The following PPP1R13B variants were observed in gnomAD, a reference collection of about 807,000 sequenced individuals.
The protein encoded by PPP1R13B is protein phosphatase 1 regulatory subunit 13B.
PPP1R13B carries 44 observed loss-of-function variants against 119.8 expected under a neutral mutation model. That is an observed-to-expected ratio of 0.37 (90% CI 0.29 to 0.47). The LOEUF is 0.47. Ranked by LOEUF, PPP1R13B falls within the 20% of genes least tolerant of loss-of-function variation. The pLI, the probability that PPP1R13B is intolerant of heterozygous loss-of-function variation, is 0.99. For missense variants in PPP1R13B, 1,227 were observed against 1,413.5 expected (o/e 0.87, Z 2.12); for synonymous variants, 542 against 561.5 (o/e 0.97, Z 0.49).
intron 1 of PPP1R13B, among the ~76,000 whole-genome samples, chr14:103,807,829 T>C (rs12891175): frequency 0.45 from 67,708 of 151,922 alleles, 15,590 homozygotes; most frequent in African/African-American, 0.56. Context: ...TCTTGAATCA[T>C]GACAGGTAGG....
chr14:103,840,960 T>C (rs2086893192), intron 1 of PPP1R13B, among the ~76,000 whole-genome samples: 1 of 151,994 alleles, frequency 6.6e-6, no homozygotes, highest in African/African-American at 2.4e-5. Context: ...AAATATCACA[T>C]ATACCTCAGA....
intron 8 of PPP1R13B, among the ~76,000 whole-genome samples, chr14:103,747,783 TA>T (rs1337751404): frequency 6.6e-6 from 1 of 152,238 alleles, no homozygotes; most frequent in African/African-American, 2.4e-5. Flanking sequence ...ATTCCTGAGT[TA>T]CTTCACTTAG....
rs751123800 is a variant in PPP1R13B, at chr14:103,754,096, T to A, written c.605A>T (p.Tyr202Phe). The A allele has an allele frequency of 6.2e-7, 1 of 1,614,102 alleles. No individual in the cohort carries two copies. Residue 202 changes from tyrosine (Y) to phenylalanine (F), a missense_variant, in exon 6 of 17, where the codon TAC (tyrosine) becomes TTC (phenylalanine). By Grantham distance (22) the Tyr-to-Phe change is conservative. Transcript: ENST00000202556. ...CAGATTGCCGTTCATGATTTTGCTG[T>A]AGTCGACTTGTCCTCTCATTGCACG... ...KIRAMRGQVD[Y>F]SKIMNGNLSA... is the part of the protein sequence containing the mutation.
intron 2 of PPP1R13B, among the ~76,000 whole-genome samples, chr14:103,790,911 T>A (rs1334112707): frequency 6.6e-6 from 1 of 152,182 alleles, no homozygotes; most frequent in Admixed American, 6.6e-5. Flanking sequence ...GTGTTTATAC[T>A]TAAGATTTAT....
intron 1 of PPP1R13B, among the ~76,000 whole-genome samples, chr14:103,832,323 G>A (rs920464804): frequency 2.0e-5 from 3 of 152,156 alleles, no homozygotes; most frequent in Non-Finnish European, 1.5e-5. Flanking sequence ...CTCAACCTCA[G>A]GTTGTGCTTG....
At chr14:103,836,662 C>T (rs763732201) in intron 1 of PPP1R13B, among the ~76,000 whole-genome samples, 10 of 151,240 alleles carry the variant, frequency 6.6e-5, no homozygotes, top group Admixed American at 1.3e-4. Context: ...CTCAGCTACT[C>T]GGGAGGCTGA....
chr14:103,831,682 T>C (rs2086667333), intron 1 of PPP1R13B, among the ~76,000 whole-genome samples: 1 of 148,178 alleles, frequency 6.7e-6, no homozygotes, highest in South Asian at 2.3e-4. Flanking sequence ...ACGCCTATAA[T>C]CCCAGCACTT....
At chr14:103,744,170 G>A (rs1465268056) in intron 9 of PPP1R13B, among the ~76,000 whole-genome samples, 1 of 152,222 alleles carries the variant, frequency 6.6e-6, no homozygotes, top group Non-Finnish European at 1.5e-5. Context: ...ACAACAGGAA[G>A]TTTTATGGAA....
At chr14:103,748,066 TACACACACACACACACACACACAC>T (rs58398068) in intron 8 of PPP1R13B, among the ~76,000 whole-genome samples, 26 of 138,238 alleles carry the variant, frequency 1.9e-4, no homozygotes, top group East Asian at 1.1e-3. Context: ...TTAAATCACA[TACACACACACACACACACACACAC>T]ACACACACAC....
chr14:103,756,020 T>C (rs528314007), intron 5 of PPP1R13B, among the ~76,000 whole-genome samples: 3 of 152,262 alleles, frequency 2.0e-5, no homozygotes, highest in Non-Finnish European at 4.4e-5. Context: ...AAAATCTCTC[T>C]ACAGAAGAAA....
chr14:103,839,115 C>A (rs547940425), intron 1 of PPP1R13B, among the ~76,000 whole-genome samples: 4 of 152,106 alleles, frequency 2.6e-5, no homozygotes, highest in Non-Finnish European at 5.9e-5. Context: ...CAGGTTCAAG[C>A]GATTCTCCTG....
intron 1 of PPP1R13B, among the ~76,000 whole-genome samples, chr14:103,830,478 T>C (rs1486464363): frequency 1.3e-5 from 2 of 152,132 alleles, no homozygotes; most frequent in South Asian, 2.1e-4. Flanking sequence ...CTCCATTTTA[T>C]AGATGAGGAA....
chr14:103,748,086 C>T (rs2084436721), intron 8 of PPP1R13B, among the ~76,000 whole-genome samples: 1 of 151,208 alleles, frequency 6.6e-6, no homozygotes, highest in African/African-American at 2.4e-5. Flanking sequence ...CACACACACA[C>T]ACACACACAC....
chr14:103,745,240 C>A (rs1368019548), intron 9 of PPP1R13B, among the ~76,000 whole-genome samples: 1 of 152,162 alleles, frequency 6.6e-6, no homozygotes, highest in African/African-American at 2.4e-5. Context: ...ACCCAAGCTC[C>A]CCAGTGGGGG....
intron 5 of PPP1R13B, among the ~76,000 whole-genome samples, chr14:103,756,732 C>T (rs2084685817): frequency 1.3e-5 from 2 of 151,942 alleles, no homozygotes; most frequent in Admixed American, 1.3e-4. Context: ...AAGGAGATAA[C>T]AAAAGCACCC....
chr14:103,840,315 A>C (rs988403135), intron 1 of PPP1R13B, among the ~76,000 whole-genome samples: 1 of 152,254 alleles, frequency 6.6e-6, no homozygotes, highest in African/African-American at 2.4e-5. Context: ...GTTGACAACC[A>C]GTTATATAAC....
intron 1 of PPP1R13B, among the ~76,000 whole-genome samples, chr14:103,822,155 AC>A (rs1413138905): frequency 1.3e-5 from 2 of 151,108 alleles, no homozygotes; most frequent in Non-Finnish European, 2.9e-5. Context: ...TTTTTTGGAG[AC>A]GGAGTTTTGC....
chr14:103,737,602 CTG>C (rs1363758737), intron 15 of PPP1R13B, 90 bp downstream of exon 15: 5 of 1,448,272 alleles, frequency 3.5e-6, no homozygotes, highest in East Asian at 2.3e-5. Flanking sequence ...AAACAGAAAG[CTG>C]TGCTGAAGCT....
chr14:103,818,703 A>G (rs1250066649), intron 1 of PPP1R13B, among the ~76,000 whole-genome samples: 2 of 152,190 alleles, frequency 1.3e-5, no homozygotes, highest in African/African-American at 4.8e-5. Context: ...CTCAACTAAG[A>G]AAAACACTTG....
Sources: gnomAD v4.1 joint callset for allele counts (sites outside exome capture counted in the v4.1 genomes callset) on GRCh38, gnomAD v4.1.1 for gene constraint, MANE v1.5 for transcripts, NCBI Gene and HGNC (gene_info 2026-07-23, HGNC 2026-07-21) for gene names.